The following TENM2 variants were observed in gnomAD, a reference collection of about 807,000 sequenced individuals.
TENM2 encodes the protein teneurin transmembrane protein 2.
TENM2 carries 52 observed loss-of-function variants against 245.2 expected under a neutral mutation model. That is an observed-to-expected ratio of 0.21 (90% CI 0.17 to 0.27). The LOEUF (loss-of-function observed/expected upper bound fraction) is 0.27. Ranked by LOEUF, TENM2 falls within the 10% of genes least tolerant of loss-of-function variation. TENM2 has a pLI of 1.00. For missense variants in TENM2, 3,046 were observed against 3,666.8 expected (o/e 0.83, Z 4.37); for synonymous variants, 1,363 against 1,438.9 (o/e 0.95, Z 1.19).
At chr5:168,102,102 T>C (rs1295876627) in intron 9 of TENM2, among the ~76,000 whole-genome samples, 1 of 152,166 alleles carries the variant, frequency 6.6e-6, no homozygotes, top group African/African-American at 2.4e-5. Context: ...AGATAGAATT[T>C]TGCTTTTGTT....
rs1462662081 is a variant in TENM2, at chr5:167,458,491, AAAC to A, written c.502+83021_502+83023del. 4.8e-3 allele frequency among the ~76,000 whole-genome samples: 605 copies of A among 127,336 alleles called. 41 individuals are homozygous for A. The highest frequency in any genetic ancestry group is 0.04 in the South Asian group (142 of 3,562). 83.5% of individuals were successfully genotyped at this position (127,336 alleles called of 152,430 possible). A position where few individuals can be genotyped will look rare whatever the true frequency, so the allele number is the denominator to read the frequency against. On this transcript the variant is annotated intron_variant, in intron 2 of 28. Coordinates refer to ENST00000518659, the Ensembl canonical transcript of TENM2. ...GACAAAGCAAGACTCCGTCTCAAAA[AAAC>A]AAAAAAAAAAAAAAAAAAAAAAGAC... is the stretch of plus-strand genomic sequence containing the variant.
At chr5:168,042,325 T>C (rs1024113888) in intron 5 of TENM2, among the ~76,000 whole-genome samples, 24 of 152,090 alleles carry the variant, frequency 1.6e-4, no homozygotes, top group Non-Finnish European at 2.8e-4. Flanking sequence ...CCCCTGCTCC[T>C]GGGGGCCTGC....
chr5:167,900,777 G>A (rs962608459), intron 3 of TENM2, among the ~76,000 whole-genome samples: 21 of 151,626 alleles, frequency 1.4e-4, no homozygotes, highest in African/African-American at 4.4e-4. Context: ...TCAGCCTGGC[G>A]TGTCCTGTCT....
At chr5:167,750,466 T>C (rs1761887286) in intron 2 of TENM2, among the ~76,000 whole-genome samples, 1 of 152,138 alleles carries the variant, frequency 6.6e-6, no homozygotes, top group South Asian at 2.1e-4. Context: ...TCTGGAGTTG[T>C]GAGCCATGTT....
intron 2 of TENM2, among the ~76,000 whole-genome samples, chr5:167,749,316 T>C (rs994784901): frequency 2.0e-5 from 3 of 152,142 alleles, no homozygotes; most frequent in African/African-American, 7.2e-5. Context: ...GATGTTCATA[T>C]ATCCACAATA....
intron 2 of TENM2, among the ~76,000 whole-genome samples, chr5:167,476,711 G>A (rs1384400717): frequency 6.6e-6 from 1 of 152,084 alleles, no homozygotes; most frequent in Non-Finnish European, 1.5e-5. Flanking sequence ...CAATTCTCCT[G>A]CCTCAGCCTC....
At chr5:167,510,555 A>C (rs1226831830) in intron 2 of TENM2, among the ~76,000 whole-genome samples, 1 of 152,022 alleles carries the variant, frequency 6.6e-6, no homozygotes, top group East Asian at 1.9e-4. Flanking sequence ...CCGAACTGTT[A>C]CTATAGAAAA....
At chr5:167,242,933 A>C in the TENM2 span, among the ~76,000 whole-genome samples, 1 of 152,178 alleles carries the variant, frequency 6.6e-6, no homozygotes, top group African/African-American at 2.4e-5. Flanking sequence ...TAGGAGGCCA[A>C]AAACGCAAAA....
chr5:167,357,859 C>T (rs1469470933), intron 1 of TENM2, among the ~76,000 whole-genome samples: 3 of 152,162 alleles, frequency 2.0e-5, no homozygotes, highest in Admixed American at 1.3e-4. Context: ...TCCTCATCTT[C>T]AATCAGAAAC....
intron 12 of TENM2, among the ~76,000 whole-genome samples, chr5:168,155,098 G>A (rs1323901924): frequency 6.6e-6 from 1 of 152,154 alleles, no homozygotes; most frequent in Non-Finnish European, 1.5e-5. Context: ...GTGATTCTTT[G>A]GCAGCCGGTC....
chr5:168,098,224 C>A, intron 9 of TENM2, 97 bp downstream of exon 11: 1 of 816,462 alleles, frequency 1.2e-6, no homozygotes, highest in South Asian at 1.5e-5. Flanking sequence ...GCCTTCCCAT[C>A]AAATCCCCCG....
At chr5:167,462,906 T>C (rs1766410519) in intron 2 of TENM2, among the ~76,000 whole-genome samples, 1 of 152,064 alleles carries the variant, frequency 6.6e-6, no homozygotes, top group Non-Finnish European at 1.5e-5. Context: ...AGTATTTCCG[T>C]TTCCTGTCTT....
chr5:167,789,457 G>T (rs538544202), intron 2 of TENM2, among the ~76,000 whole-genome samples: 22 of 152,336 alleles, frequency 1.4e-4, no homozygotes, highest in African/African-American at 5.3e-4. Flanking sequence ...CTGGACAGGT[G>T]GAAGGAGTGG....
At chr5:167,741,671 C>G (rs999453958) in intron 2 of TENM2, among the ~76,000 whole-genome samples, 1 of 152,198 alleles carries the variant, frequency 6.6e-6, no homozygotes, top group Non-Finnish European at 1.5e-5. Context: ...ATTGTTACTT[C>G]TGGTTCAGCG....
intron 2 of TENM2, among the ~76,000 whole-genome samples, chr5:167,450,926 G>A (rs1765535949): frequency 6.6e-6 from 1 of 152,032 alleles, no homozygotes; most frequent in African/African-American, 2.4e-5. Context: ...TCTTTAATGT[G>A]TTGATATCCG....
intron 2 of TENM2, among the ~76,000 whole-genome samples, chr5:167,397,858 A>G (rs1762146173): frequency 6.6e-6 from 1 of 152,170 alleles, no homozygotes; most frequent in Admixed American, 6.5e-5. Flanking sequence ...GAATCCACTA[A>G]GTGGGCTTTA....
chr5:167,167,209 A>G, the TENM2 span, among the ~76,000 whole-genome samples: 1 of 152,174 alleles, frequency 6.6e-6, no homozygotes, highest in East Asian at 1.9e-4. Context: ...AATTCTGACA[A>G]ACCAGGGTGT....
At chr5:168,210,689 A>G (rs1354212442) in intron 19 of TENM2, among the ~76,000 whole-genome samples, 1 of 151,970 alleles carries the variant, frequency 6.6e-6, no homozygotes, top group Non-Finnish European at 1.5e-5. Context: ...CCCACCACTA[A>G]TGATGGCCCC....
chr5:167,734,210 T>C (rs546219476), intron 2 of TENM2, among the ~76,000 whole-genome samples: 27 of 152,234 alleles, frequency 1.8e-4, no homozygotes, highest in African/African-American at 6.5e-4. Flanking sequence ...CATGGCCCTT[T>C]GGGGTTCTGA....
Sources: gnomAD v4.1 joint callset for allele counts (sites outside exome capture counted in the v4.1 genomes callset) on GRCh38, gnomAD v4.1.1 for gene constraint, MANE v1.5 for transcripts, NCBI Gene and HGNC (gene_info 2026-07-23, HGNC 2026-07-21) for gene names.